Variants in NXPH1 observed in about 807,000 individuals in gnomAD.
NXPH1 encodes neurexophilin 1.
In NXPH1, 5 loss-of-function variants were observed where a neutral mutation model predicts 23.7. The observed-to-expected ratio is 0.21, with a 90% CI of 0.11 to 0.44. The LOEUF is 0.44. Among genes scored for constraint, NXPH1 ranks in the 20% least tolerant of loss-of-function variants. NXPH1 has a pLI of 0.99. For missense variants in NXPH1, 324 were observed against 321.6 expected (o/e 1.01, Z -0.06); for synonymous variants, 144 against 122.2 (o/e 1.18, Z -1.18).
In NXPH1 at chr7:8,653,098, G is replaced by A. The variant is rs557980766; in HGVS notation, c.55-97910G>A. 6.3e-4 allele frequency among the ~76,000 whole-genome samples: 96 copies of A among 151,530 alleles called. No homozygotes were observed. In the South Asian group the frequency reaches 0.019, roughly 30 times the overall value. ...ATGAAGAACTTTTTCACTTTCTGGA[G>A]CGTTTTTCACATTCTCTGCTTTTTT... is the stretch of plus-strand genomic sequence containing the variant. On this transcript the variant is annotated intron_variant, in intron 2 of 2. Coordinates refer to ENST00000405863, the MANE Select transcript of NXPH1 (RefSeq NM_152745.3).
intron 2 of NXPH1, among the ~76,000 whole-genome samples, chr7:8,668,091 A>G (rs571437188): frequency 2.0e-5 from 3 of 151,542 alleles, no homozygotes; most frequent in Non-Finnish European, 4.4e-5. Context: ...TGTTTATTAT[A>G]GTTTTTCTGA....
At chr7:8,520,274 G>C (rs1383838139) in intron 2 of NXPH1, among the ~76,000 whole-genome samples, 1 of 152,250 alleles carries the variant, frequency 6.6e-6, no homozygotes, top group East Asian at 1.9e-4. Flanking sequence ...GCAAGTCACT[G>C]TCTGACTTTT....
At chr7:8,547,463 C>T (rs1369971115) in intron 2 of NXPH1, among the ~76,000 whole-genome samples, 2 of 150,134 alleles carry the variant, frequency 1.3e-5, no homozygotes, top group Admixed American at 1.3e-4. Flanking sequence ...AAATGAAAGA[C>T]TAGAAAACGT....
chr7:8,637,082 T>A (rs1241738688), intron 2 of NXPH1, among the ~76,000 whole-genome samples: 1 of 152,200 alleles, frequency 6.6e-6, no homozygotes, highest in Non-Finnish European at 1.5e-5. Flanking sequence ...GGGAGCAGAA[T>A]CATGGTACTG....
chr7:8,443,074 T>C (rs1280887062), intron 2 of NXPH1, among the ~76,000 whole-genome samples: 1 of 152,172 alleles, frequency 6.6e-6, no homozygotes, highest in East Asian at 1.9e-4. Flanking sequence ...AAAGTCGAGT[T>C]AGCACTCTCG....
At chr7:8,452,634 T>C (rs754864134) in intron 2 of NXPH1, among the ~76,000 whole-genome samples, 2 of 152,150 alleles carry the variant, frequency 1.3e-5, no homozygotes, top group African/African-American at 4.8e-5. Context: ...CAAAGCCATT[T>C]AGGTATGTGG....
At chr7:8,591,899 C>A (rs1055506818) in intron 2 of NXPH1, among the ~76,000 whole-genome samples, 3 of 149,108 alleles carry the variant, frequency 2.0e-5, no homozygotes, top group Admixed American at 1.3e-4. Context: ...TGTTTGAGGA[C>A]AAGTTGTCTG....
At chr7:8,612,323 G>A (rs1457547281) in intron 2 of NXPH1, among the ~76,000 whole-genome samples, 3 of 149,524 alleles carry the variant, frequency 2.0e-5, no homozygotes, top group East Asian at 2.0e-4. Context: ...ATATAATCAA[G>A]CAGCTCAGGG....
chr7:8,722,050 C>G (rs1324326780), intron 2 of NXPH1, among the ~76,000 whole-genome samples: 1 of 151,652 alleles, frequency 6.6e-6, no homozygotes, highest in African/African-American at 2.4e-5. Context: ...AGAGAACCTC[C>G]AAAATACCAG....
At chr7:8,712,149 A>G (rs908161958) in intron 2 of NXPH1, among the ~76,000 whole-genome samples, 3 of 152,212 alleles carry the variant, frequency 2.0e-5, no homozygotes, top group African/African-American at 7.2e-5. Context: ...AGCTAGATTC[A>G]AGCATCTTTA....
Position 8,751,208 on chromosome 7 carries a change from A to G in NXPH1, c.255A>G (p.Gln85=). The G allele has an allele frequency of 6.2e-7, 1 of 1,613,874 alleles. No homozygotes were observed. Among genetic ancestry groups the G allele is most frequent in the Non-Finnish European group, 8.5e-7 (1 of 1,179,808 alleles). Residue 85 remains glutamine (Q), a synonymous_variant, in exon 3 of 3, where the codon CAA becomes CAG. Coordinates refer to ENST00000405863, the MANE Select transcript of NXPH1 (RefSeq NM_152745.3). The surrounding 1 kb of genome is among the most constrained non-coding windows in gnomAD (Gnocchi z 4.5). ...RYDTPEPYSE[Q]DLWDWLRNST... is the part of the protein sequence containing the mutation. ...ACACCCCAGAACCTTATTCTGAGCAAGACCTCTGGGACTGGCTGAGGAACT... is the reference window on the plus strand; with the variant it reads ...ACACCCCAGAACCTTATTCTGAGCAGGACCTCTGGGACTGGCTGAGGAACT...
At chr7:8,468,691 A>C (rs1420722858) in intron 2 of NXPH1, among the ~76,000 whole-genome samples, 1 of 151,980 alleles carries the variant, frequency 6.6e-6, no homozygotes, top group Non-Finnish European at 1.5e-5. Context: ...GCTTGGGGTT[A>C]AGTTTCTATG....
At chr7:8,582,680 G>T (rs1818903778) in intron 2 of NXPH1, among the ~76,000 whole-genome samples, 2 of 152,130 alleles carry the variant, frequency 1.3e-5, no homozygotes, top group South Asian at 4.1e-4. Context: ...GGCTCAGAAG[G>T]GAGGAAGTGC....
intron 2 of NXPH1, among the ~76,000 whole-genome samples, chr7:8,489,847 C>T (rs1563325518): frequency 6.6e-6 from 1 of 152,076 alleles, no homozygotes; most frequent in Non-Finnish European, 1.5e-5. Flanking sequence ...ATGGATGTAT[C>T]AGGAGAATTT....
intron 2 of NXPH1, among the ~76,000 whole-genome samples, chr7:8,574,767 G>A (rs73678060): frequency 2.6e-5 from 4 of 152,096 alleles, no homozygotes; most frequent in African/African-American, 7.2e-5. Context: ...TTCTCAATTC[G>A]AAAGGGAAGA....
chr7:8,749,174 A>G (rs549138772), intron 2 of NXPH1, among the ~76,000 whole-genome samples: 11 of 152,338 alleles, frequency 7.2e-5, no homozygotes, highest in Non-Finnish European at 1.5e-4. Flanking sequence ...AGTATTCACA[A>G]TAATAGCTAC....
intron 2 of NXPH1, among the ~76,000 whole-genome samples, chr7:8,513,655 A>C (rs917095120): frequency 2.0e-5 from 3 of 152,080 alleles, no homozygotes; most frequent in African/African-American, 7.2e-5. Flanking sequence ...AACAAGGAAC[A>C]TTTGGAGATG....
chr7:8,459,480 G>A (rs1229590203), intron 2 of NXPH1, among the ~76,000 whole-genome samples: 1 of 152,150 alleles, frequency 6.6e-6, no homozygotes. Context: ...ACAACTTTGA[G>A]TGCCAGAGTT....
At chr7:8,746,900 A>G (rs1780479568) in intron 2 of NXPH1, among the ~76,000 whole-genome samples, 1 of 149,776 alleles carries the variant, frequency 6.7e-6, no homozygotes, top group African/African-American at 2.5e-5. Flanking sequence ...GTTTGTGGTT[A>G]TATTGAAGGG....
Sources: allele counts gnomAD v4.1 joint callset (sites outside exome capture counted in the v4.1 genomes callset), GRCh38; gene constraint gnomAD v4.1.1; non-coding constraint Gnocchi (gnomAD v3.1); transcripts MANE v1.5; gene names NCBI Gene and HGNC (gene_info 2026-07-23, HGNC 2026-07-21).